Variants in CPS1 observed in about 807,000 individuals in gnomAD.
CPS1 encodes the protein carbamoyl-phosphate synthase [ammonia], mitochondrial.
CPS1 carries 109 observed loss-of-function variants against 174.6 expected under a neutral mutation model. The ratio of observed to expected loss-of-function variants is 0.62; its 90% CI spans 0.53 to 0.73. The LOEUF (loss-of-function observed/expected upper bound fraction) is 0.73, where lower values mean the gene tolerates loss of function less well. Ranked by LOEUF, CPS1 falls within the 30% of genes least tolerant of loss-of-function variation. The probability of loss-of-function intolerance (pLI) is 0.00; values close to 1 mark genes in which losing one functional copy is unlikely to be tolerated. For synonymous variants in CPS1, 637 were observed against 632.0 expected, an observed-to-expected ratio of 1.01 and a Z score of -0.12; for missense variants, 1,689 against 1,821.9, an observed-to-expected ratio of 0.93 and a Z score of 1.33.
intron 21 of CPS1, among the ~76,000 whole-genome samples, chr2:210,632,390 A>C (rs772315021): frequency 6.6e-6 from 1 of 152,226 alleles, no homozygotes; most frequent in Non-Finnish European, 1.5e-5. Context: ...ACTGCCCCAC[A>C]ACTAATGAAT....
intron 36 of CPS1, among the ~76,000 whole-genome samples, chr2:210,676,289 T>C (rs1701533752): frequency 6.6e-6 from 1 of 152,240 alleles, no homozygotes; most frequent in Non-Finnish European, 1.5e-5. Flanking sequence ...TAATTGGTCA[T>C]TCCTTGACCA....
At chr2:210,516,327 C>G (rs1430204202) in intron 1 of CPS1, among the ~76,000 whole-genome samples, 2 of 151,828 alleles carry the variant, frequency 1.3e-5, no homozygotes, top group Non-Finnish European at 2.9e-5. Context: ...TTATACTTCT[C>G]TCTTTCTTAT....
intron 33 of CPS1, among the ~76,000 whole-genome samples, chr2:210,664,698 A>G (rs1701035069): frequency 6.6e-6 from 1 of 152,172 alleles, no homozygotes; most frequent in Non-Finnish European, 1.5e-5. Context: ...GGAGTTATTG[A>G]AATATAAAAA....
intron 1 of CPS1, among the ~76,000 whole-genome samples, chr2:210,495,369 A>G (rs1008876431): frequency 2.6e-5 from 4 of 152,138 alleles, no homozygotes; most frequent in Non-Finnish European, 4.4e-5. Flanking sequence ...ATGTGCCTCC[A>G]CTCAAGAACT....
At chr2:210,647,042 A>G (rs1700399658) in intron 25 of CPS1, among the ~76,000 whole-genome samples, 1 of 152,108 alleles carries the variant, frequency 6.6e-6, no homozygotes, top group Non-Finnish European at 1.5e-5. Context: ...CACTGTTTGT[A>G]AAGCAAGTAG....
At chr2:210,666,439 C>G (rs1241739260) in intron 33 of CPS1, among the ~76,000 whole-genome samples, 1 of 151,670 alleles carries the variant, frequency 6.6e-6, no homozygotes, top group African/African-American at 2.4e-5. Flanking sequence ...AGGTTTTCTT[C>G]TAGGGTTTTT....
intron 1 of CPS1, among the ~76,000 whole-genome samples, chr2:210,542,695 C>T (rs926946396): frequency 6.6e-6 from 1 of 152,018 alleles, no homozygotes; most frequent in Admixed American, 6.6e-5. Flanking sequence ...AGCCTACAAA[C>T]GTGTCTTGGG....
chr2:210,614,432 G>A (rs1458149441), intron 20 of CPS1, among the ~76,000 whole-genome samples: 1 of 151,936 alleles, frequency 6.6e-6, no homozygotes, highest in Admixed American at 6.6e-5. Context: ...GGATTGCTGG[G>A]TCAAATGGTA....
Position 210,582,672 on chromosome 2 carries a change from C to G in CPS1, c.584C>G (p.Pro195Arg). 1 of 1,613,220 alleles carries G rather than the reference C, an allele frequency of 6.2e-7. No homozygotes were observed. Residue 195 changes from proline to arginine, a missense_variant, in exon 6 of 38, where the codon CCA becomes CGA. Physicochemically the swap from Pro to Arg is moderately radical, Grantham distance 103. Coordinates refer to ENST00000233072, the MANE Select transcript of CPS1 (RefSeq NM_001875.5). ...GGTCAGCCTGTGGATTTTGTGGATC[C>G]AAATAAACAGAATTTGATTGCTGAG... ...FEGQPVDFVDPNKQNLIAEVS... is the reference protein window; with the variant it reads ...FEGQPVDFVDRNKQNLIAEVS...
At chr2:210,589,293 T>A (rs1050390712) in intron 7 of CPS1, among the ~76,000 whole-genome samples, 3 of 152,116 alleles carry the variant, frequency 2.0e-5, no homozygotes, top group Non-Finnish European at 2.9e-5. Flanking sequence ...TTTGTTCTCT[T>A]AAATCCTTGT....
At chr2:210,638,636 C>T (rs1321132752) in intron 22 of CPS1, among the ~76,000 whole-genome samples, 2 of 152,056 alleles carry the variant, frequency 1.3e-5, no homozygotes, top group African/African-American at 4.8e-5. Flanking sequence ...AGTTACTGGC[C>T]CTTGAGAGTG....
chr2:210,529,915 C>T (rs1696074877), intron 1 of CPS1, among the ~76,000 whole-genome samples: 1 of 151,996 alleles, frequency 6.6e-6, no homozygotes, highest in Admixed American at 6.6e-5. Flanking sequence ...CATTTTTAGT[C>T]AAAAGCATTT....
At position 210,496,791 on chromosome 2, in the gene CPS1, C is replaced by T. The variant is rs552271256; in HGVS notation, c.3+19025C>T. On this transcript the variant is annotated intron_variant, in intron 1 of 38. Coordinates refer to the CPS1 transcript ENST00000430249. Reference sequence around the variant, plus strand: ...GACGTTTGTCCCACAGATAGCTGCACGGCTCAGTGCCTCACCTTCTCAGCA... The same window carrying T: ...GACGTTTGTCCCACAGATAGCTGCATGGCTCAGTGCCTCACCTTCTCAGCA... Among the ~76,000 whole-genome samples the T allele has an allele frequency of 5.3e-5, 8 of 152,288 alleles. No individual in the cohort carries two copies. The South Asian group carries it at 8.3e-4, about 16-fold the overall frequency.
At chr2:210,564,229 CCAAAA>C (rs1206724559) in intron 1 of CPS1, among the ~76,000 whole-genome samples, 1 of 152,002 alleles carries the variant, frequency 6.6e-6, no homozygotes, top group Admixed American at 6.6e-5. Flanking sequence ...GGCAGACAAA[CCAAAA>C]CAATTGAGAG....
Position 210,594,521 on chromosome 2 carries a change from C to G in CPS1, c.1178C>G (p.Ser393Cys), listed in dbSNP as rs1206238824. ...ATTTTTTTCTAGTACCTGTTTGATT[C>G]CTTTTTCTCACTGATAAAGAAAGGA... ...GPIDTEYLFD[S>C]FFSLIKKGKA... is the part of the protein sequence containing the mutation. The change falls in exon 12 of 38, where the codon TCC becomes TGC. Residue 393 changes from serine (S) to cysteine (C), a missense_variant. By Grantham distance (112) the Ser-to-Cys change is moderately radical. Coordinates refer to ENST00000233072, the MANE Select transcript of CPS1 (RefSeq NM_001875.5). The G allele has an allele frequency of 1.9e-6, 3 of 1,610,070 alleles. No homozygotes were observed. In the South Asian group the frequency reaches 3.3e-5, roughly 18 times the overall value.
chr2:210,665,347 T>C (rs1248376155), intron 33 of CPS1, among the ~76,000 whole-genome samples: 1 of 152,000 alleles, frequency 6.6e-6, no homozygotes, highest in Non-Finnish European at 1.5e-5. Flanking sequence ...TATTATACTT[T>C]AAGTTTTAGG....
chr2:210,614,143 T>C (rs539472854), intron 20 of CPS1, among the ~76,000 whole-genome samples: 19 of 152,090 alleles, frequency 1.2e-4, no homozygotes, highest in Middle Eastern at 3.4e-3. Flanking sequence ...TTTTGGAACA[T>C]TAAAGTAACC....
chr2:210,531,561 T>G (rs1696114534), intron 1 of CPS1, among the ~76,000 whole-genome samples: 1 of 152,068 alleles, frequency 6.6e-6, no homozygotes, highest in Non-Finnish European at 1.5e-5. Flanking sequence ...CTTGGCCTAC[T>G]CAATGAGAAA....
chr2:210,616,997 C>T (rs575626108), intron 21 of CPS1, among the ~76,000 whole-genome samples: 52 of 151,980 alleles, frequency 3.4e-4, no homozygotes, highest in Non-Finnish European at 6.0e-4. Context: ...ATTCCTTTTG[C>T]GCTCTACTGT....
Sources: allele counts gnomAD v4.1 joint callset (sites outside exome capture counted in the v4.1 genomes callset), GRCh38; gene constraint gnomAD v4.1.1; transcripts MANE v1.5; gene names NCBI Gene and HGNC (gene_info 2026-07-23, HGNC 2026-07-21).